Variants in IQCM observed in about 807,000 individuals in gnomAD.
IQCM encodes the protein IQ domain-containing protein M.
IQCM carries 45 observed loss-of-function variants against 57.6 expected under a neutral mutation model. That is an observed-to-expected ratio of 0.78 (90% CI 0.62 to 1.00). The LOEUF is 1.00. Ranked by LOEUF, IQCM falls within the 50% of genes least tolerant of loss-of-function variation. The probability of loss-of-function intolerance (pLI) is 0.00; values close to 1 mark genes in which losing one functional copy is unlikely to be tolerated. For synonymous variants in IQCM, 148 were observed against 158.9 expected (o/e 0.93, Z 0.51); for missense variants, 468 against 511.6 (o/e 0.91, Z 0.82).
intron 2 of IQCM, among the ~76,000 whole-genome samples, chr4:149,792,623 A>T (rs949188802): frequency 6.6e-6 from 1 of 152,170 alleles, no homozygotes; most frequent in African/African-American, 2.4e-5. Flanking sequence ...CAATAGAAAA[A>T]TTTAACATGT....
intron 4 of IQCM, among the ~76,000 whole-genome samples, chr4:149,734,764 C>T (rs1353044080): frequency 6.6e-6 from 1 of 152,090 alleles, no homozygotes; most frequent in Non-Finnish European, 1.5e-5. Flanking sequence ...CAAAATGTCA[C>T]CCTGTGCTGA....
chr4:149,527,882 A>G (rs1475497317), intron 12 of IQCM, among the ~76,000 whole-genome samples: 1 of 152,178 alleles, frequency 6.6e-6, no homozygotes, highest in Non-Finnish European at 1.5e-5. Flanking sequence ...TTTCCCTGAC[A>G]TCAGCAATCG....
chr4:149,465,245 T>C (rs934375725), intron 12 of IQCM, among the ~76,000 whole-genome samples: 1 of 152,182 alleles, frequency 6.6e-6, no homozygotes, highest in African/African-American at 2.4e-5. Flanking sequence ...AATCAATTGA[T>C]TAACAGAAGA....
intron 12 of IQCM, among the ~76,000 whole-genome samples, chr4:149,486,835 G>C (rs1741575029): frequency 6.6e-6 from 1 of 152,120 alleles, no homozygotes; most frequent in South Asian, 2.1e-4. Context: ...AGGGCAGTGG[G>C]CTCCCCTTTG....
chr4:149,355,358 G>C (rs1312650795), intron 13 of IQCM, among the ~76,000 whole-genome samples: 1 of 151,116 alleles, frequency 6.6e-6, no homozygotes, highest in African/African-American at 2.4e-5. Context: ...TCATCATTTA[G>C]CATTAGGTAT....
At chr4:149,660,842 G>T (rs1277777270) in intron 7 of IQCM, among the ~76,000 whole-genome samples, 1 of 151,868 alleles carries the variant, frequency 6.6e-6, no homozygotes, top group Non-Finnish European at 1.5e-5. Flanking sequence ...TGGGGTGGGG[G>T]GAGTGGGGAG....
intron 8 of IQCM, among the ~76,000 whole-genome samples, chr4:149,619,266 G>A (rs898358442): frequency 3.3e-5 from 5 of 152,098 alleles, no homozygotes; most frequent in South Asian, 2.1e-4. Context: ...GTTCTCATTC[G>A]TAAGTGGGAG....
intron 4 of IQCM, among the ~76,000 whole-genome samples, 175 bp downstream of exon 4, chr4:149,735,201 A>G (rs897620328): frequency 6.6e-6 from 1 of 152,226 alleles, no homozygotes; most frequent in Non-Finnish European, 1.5e-5. Flanking sequence ...ATCTTATTTT[A>G]AAATGTCATT....
At chr4:149,797,839 A>G (rs1773252754) in intron 2 of IQCM, among the ~76,000 whole-genome samples, 1 of 152,060 alleles carries the variant, frequency 6.6e-6, no homozygotes, top group South Asian at 2.1e-4. Flanking sequence ...ATGATAAAAA[A>G]TATCCTTTAA....
chr4:149,815,661 A>G lies in IQCM; in HGVS notation c.-148T>C, dbSNP rs1211624129. 6.6e-6 allele frequency: 1 copy of G among 151,956 alleles called. No homozygotes were observed. Among genetic ancestry groups the G allele is most frequent in the Admixed American group, 6.6e-5 (1 of 15,228 alleles). 9.4% of individuals were successfully genotyped at this position (151,956 alleles called of 1,614,324 possible). On this transcript the variant is annotated 5_prime_UTR_variant, in exon 1 of 14. Transcript: ENST00000636793. ...AATTCACTGCCCCAAAATCATAATA[A>G]TCTCAGTTGCTTCACAGCATAGAAA...
chr4:149,690,772 A>G (rs1231381557), intron 5 of IQCM: 2 of 152,050 alleles, frequency 1.3e-5, no homozygotes, highest in African/African-American at 2.4e-5. Flanking sequence ...TTCCTTGTGA[A>G]TTATCTCATG....
intron 7 of IQCM, among the ~76,000 whole-genome samples, chr4:149,658,112 T>C (rs1168626389): frequency 6.6e-6 from 1 of 152,130 alleles, no homozygotes; most frequent in Non-Finnish European, 1.5e-5. Context: ...ATTTTCCTTA[T>C]GTTATCTTCT....
chr4:149,611,277 G>C (rs984659028), intron 8 of IQCM, among the ~76,000 whole-genome samples: 1 of 151,892 alleles, frequency 6.6e-6, no homozygotes, highest in Non-Finnish European at 1.5e-5. Flanking sequence ...CAGTATGGAG[G>C]TTCCTCAAAA....
At chr4:149,414,975 G>T (rs1051832563) in intron 13 of IQCM, among the ~76,000 whole-genome samples, 12 of 152,048 alleles carry the variant, frequency 7.9e-5, no homozygotes, top group African/African-American at 2.9e-4. Flanking sequence ...ACTATATTTT[G>T]TAACATAGAT....
chr4:149,762,087 G>C (rs1321248040), intron 2 of IQCM, among the ~76,000 whole-genome samples: 1 of 151,906 alleles, frequency 6.6e-6, no homozygotes, highest in African/African-American at 2.4e-5. Context: ...TCATCAATTA[G>C]GACAATATCT....
intron 2 of IQCM, among the ~76,000 whole-genome samples, chr4:149,811,626 C>A (rs1184645221): frequency 2.0e-5 from 3 of 152,130 alleles, no homozygotes; most frequent in African/African-American, 7.2e-5. Flanking sequence ...TGCCCCACTC[C>A]CAGGTATCCA....
intron 2 of IQCM, among the ~76,000 whole-genome samples, chr4:149,801,443 ATGTTTGT>A (rs1773593383): frequency 6.6e-6 from 1 of 152,030 alleles, no homozygotes; most frequent in Non-Finnish European, 1.5e-5. Context: ...CTGCACTCCC[ATGTTTGT>A]TGCAGCTCTG....
chr4:149,712,267 A>G (rs1280063675), intron 5 of IQCM, among the ~76,000 whole-genome samples: 3 of 152,156 alleles, frequency 2.0e-5, no homozygotes, highest in Non-Finnish European at 4.4e-5. Context: ...TGACTTGCTC[A>G]GGCAACAGCT....
At chr4:149,758,605 A>T (rs1769210774) in intron 2 of IQCM, among the ~76,000 whole-genome samples, 1 of 152,226 alleles carries the variant, frequency 6.6e-6, no homozygotes, top group African/African-American at 2.4e-5. Flanking sequence ...TATTTAAAAT[A>T]TACAAAGAAT....
Sources: gnomAD v4.1 joint callset for allele counts (sites outside exome capture counted in the v4.1 genomes callset) on GRCh38, gnomAD v4.1.1 for gene constraint, MANE v1.5 for transcripts, NCBI Gene and HGNC (gene_info 2026-07-23, HGNC 2026-07-21) for gene names.